The following CEP126 variants were observed in gnomAD, a reference collection of about 807,000 sequenced individuals.
CEP126 encodes centrosomal protein 126.
Under a neutral mutation model 107.8 loss-of-function variants are expected in CEP126, and 74 were observed. The ratio of observed to expected loss-of-function variants is 0.69; its 90% CI spans 0.57 to 0.83. CEP126 has a LOEUF of 0.83. CEP126 is among the 40% of genes least tolerant of loss of function. CEP126 has a pLI of 0.00. For missense variants in CEP126, 1,237 were observed against 1,281.9 expected, an observed-to-expected ratio of 0.96 and a Z score of 0.53; for synonymous variants, 449 against 446.0, an observed-to-expected ratio of 1.01 and a Z score of -0.08.
At chr11:101,928,163 C>G (rs1466725653) in intron 2 of CEP126, among the ~76,000 whole-genome samples, 1 of 152,104 alleles carries the variant, frequency 6.6e-6, no homozygotes, top group East Asian at 1.9e-4. Context: ...CATCTGTTCT[C>G]TTTTAGTGAA....
In CEP126 at chr11:101,961,842, T is replaced by A. The variant is rs779492169; in HGVS notation, c.807T>A (p.Asn269Lys). ...ATGAAGAAATATATTTAACACTTAA[T>A]AAGGAGCATTCCACATCCATCCAGC... ...TEHEEIYLTLNKEHSTSIQRN... is the reference protein window; with the variant it reads ...TEHEEIYLTLKKEHSTSIQRN... Residue 269 changes from asparagine to lysine, a missense_variant, in exon 6 of 11, where the codon AAT becomes AAA. By Grantham distance (94) the Asn-to-Lys change is moderately conservative. This residue lies in a region of CEP126 where 1,134 missense variants were observed against 1,150.5 expected (regional missense o/e 0.99). Coordinates refer to ENST00000263468, the MANE Select transcript of CEP126 (RefSeq NM_020802.4). 1.2e-6 allele frequency: 2 copies of A among 1,610,860 alleles called. No homozygotes were observed. Among genetic ancestry groups the A allele is most frequent in the Admixed American group, 3.3e-5 (2 of 59,896 alleles).
At chr11:101,996,505 G>A (rs1229056011) in intron 10 of CEP126, among the ~76,000 whole-genome samples, 1 of 152,100 alleles carries the variant, frequency 6.6e-6, no homozygotes, top group Admixed American at 6.6e-5. Flanking sequence ...CCTGTGATAA[G>A]TACCTTAGTC....
At chr11:101,956,417 CA>C (rs1412801607) in intron 4 of CEP126, 3 of 456,328 alleles carry the variant, frequency 6.6e-6, no homozygotes, top group East Asian at 1.4e-4. Flanking sequence ...TCAGTCAGTC[CA>C]GCAATCTGTT....
At chr11:101,950,518 T>C (rs1940797145) in intron 4 of CEP126, among the ~76,000 whole-genome samples, 2 of 152,232 alleles carry the variant, frequency 1.3e-5, no homozygotes. Flanking sequence ...AATTACATTA[T>C]AATACTGTTT....
rs150442217 is a variant in CEP126 at position 101,949,059 on chromosome 11, G to A, written c.506+917G>A. 3.8e-3 allele frequency among the ~76,000 whole-genome samples: 586 copies of A among 152,258 alleles called. 5 individuals carry two copies. Among genetic ancestry groups the A allele is most frequent in the African/African-American group, 0.014 (563 of 41,554 alleles). On this transcript the variant is annotated intron_variant, in intron 4 of 10. Transcript: ENST00000263468. ...ACAGAGAATTCTTCAGCAAAGCTTT[G>A]AAGAAAATAGTAGTTATTTGGAACA... is the stretch of plus-strand genomic sequence containing the variant.
chr11:101,992,332 T>G (rs1029356801), intron 9 of CEP126, among the ~76,000 whole-genome samples: 5 of 152,082 alleles, frequency 3.3e-5, no homozygotes, highest in Admixed American at 1.3e-4. Context: ...TGAATTATTT[T>G]TCTTTTGCTC....
At chr11:101,952,502 C>A (rs1367276692) in intron 4 of CEP126, among the ~76,000 whole-genome samples, 1 of 152,044 alleles carries the variant, frequency 6.6e-6, no homozygotes, top group Non-Finnish European at 1.5e-5. Context: ...CTGTTTAAGA[C>A]CTGGAGTGAT....
chr11:101,962,994 A>G lies in CEP126; in HGVS notation c.1959A>G (p.Thr653=), dbSNP rs745394638. The stretch of plus-strand genomic sequence containing the variant: ...ACAGTCATTCACTGAAGAATAAAAC[A>G]GGAACAACTCAACAGCATTCTCAAC... ...AENSHSLKNK[T]GTTQQHSQQF... is the part of the protein sequence containing the mutation. The change falls in exon 6 of 11, where the codon ACA becomes ACG. Residue 653 remains threonine (T), a synonymous_variant. Transcript: ENST00000263468. 5 of 1,613,534 alleles carry G rather than the reference A, an allele frequency of 3.1e-6. No homozygotes were observed. The highest frequency in any genetic ancestry group is 2.2e-5 in the East Asian group (1 of 44,868).
intron 1 of CEP126, among the ~76,000 whole-genome samples, 166 bp from the exon 2 acceptor site, chr11:101,922,475 A>C (rs944233820): frequency 6.6e-6 from 1 of 152,070 alleles, no homozygotes; most frequent in African/African-American, 2.4e-5. Flanking sequence ...AATTTTTTTT[A>C]CATAAAATGT....
intron 2 of CEP126, among the ~76,000 whole-genome samples, chr11:101,924,500 C>G (rs564923898): frequency 6.6e-6 from 1 of 152,054 alleles, no homozygotes; most frequent in Non-Finnish European, 1.5e-5. Context: ...GAGTCTCACT[C>G]TGTCACTCAG....
chr11:101,982,984 C>T (rs1027956083), intron 8 of CEP126, among the ~76,000 whole-genome samples: 1 of 152,132 alleles, frequency 6.6e-6, no homozygotes. Flanking sequence ...TTCCCATGCA[C>T]ACCCAGATTC....
Position 101,915,142 on chromosome 11 carries a change from C to A in CEP126, c.-143C>A. On this transcript the variant is annotated 5_prime_UTR_variant, in exon 1 of 11. It adds an upstream start codon to the 5' untranslated region. Coordinates refer to ENST00000263468, the MANE Select transcript of CEP126 (RefSeq NM_020802.4). The stretch of plus-strand genomic sequence containing the variant: ...CAGTGCCGCTGCGCGGGAGCTAGGG[C>A]TGTCGAGGCCAACCCTTCCGCGCCC... The A allele has an allele frequency of 2.4e-6, 3 of 1,257,482 alleles. No individual in the cohort carries two copies. Among genetic ancestry groups the A allele is most frequent in the Non-Finnish European group, 3.3e-6 (3 of 913,094 alleles). The allele number at this position is 1,257,482 out of a possible 1,614,324, so 77.9% of individuals were successfully genotyped here.
rs973668062 is a variant in CEP126 at position 101,999,445 on chromosome 11, A to C, written c.*1802A>C. On this transcript the variant is annotated 3_prime_UTR_variant, in exon 11 of 11. Coordinates refer to ENST00000263468, the MANE Select transcript of CEP126 (RefSeq NM_020802.4). ...GAACCAAAGAATGCCTCTACAAGCA[A>C]AAAGATAGTTGAAAATAGTTAAGAT... 6.6e-6 allele frequency: 1 copy of C among 151,694 alleles called. No individual in the cohort carries two copies. The highest frequency in any genetic ancestry group is 6.6e-5 in the Admixed American group (1 of 15,198). The allele number at this position is 151,694 out of a possible 1,614,324, so 9.4% of individuals were successfully genotyped here.
At chr11:101,978,856 C>T (rs1941223097) in intron 7 of CEP126, among the ~76,000 whole-genome samples, 2 of 152,106 alleles carry the variant, frequency 1.3e-5, no homozygotes, top group African/African-American at 4.8e-5. Flanking sequence ...AGGCCAGGCG[C>T]GGTGGCTCAC....
chr11:101,926,339 A>T (rs1011889985), intron 2 of CEP126, among the ~76,000 whole-genome samples: 32 of 152,220 alleles, frequency 2.1e-4, no homozygotes, highest in African/African-American at 7.2e-4. Flanking sequence ...TATGTGAAAA[A>T]GCCTAATGTT....
chr11:101,930,582 C>T (rs1275356707), intron 2 of CEP126, among the ~76,000 whole-genome samples: 2 of 152,182 alleles, frequency 1.3e-5, no homozygotes, highest in African/African-American at 2.4e-5. Context: ...AGGACCCCAA[C>T]GGGTTGCCCC....
chr11:101,923,198 T>C (rs1940358846), intron 2 of CEP126, among the ~76,000 whole-genome samples: 1 of 152,058 alleles, frequency 6.6e-6, no homozygotes, highest in South Asian at 2.1e-4. Flanking sequence ...TCTGAAAAAT[T>C]GGAAAAAATA....
intron 2 of CEP126, among the ~76,000 whole-genome samples, chr11:101,923,914 G>C (rs1940369724): frequency 6.6e-6 from 1 of 152,060 alleles, no homozygotes; most frequent in Non-Finnish European, 1.5e-5. Context: ...AGAAAGGGTA[G>C]AAATAAAGTG....
At chr11:101,927,058 T>C (rs1247697321) in intron 2 of CEP126, among the ~76,000 whole-genome samples, 1 of 152,230 alleles carries the variant, frequency 6.6e-6, no homozygotes, top group Non-Finnish European at 1.5e-5. Flanking sequence ...TCCCAGCACT[T>C]TGGGAGGCCA....
Sources: allele counts gnomAD v4.1 joint callset (sites outside exome capture counted in the v4.1 genomes callset), GRCh38; gene constraint gnomAD v4.1.1; regional missense constraint gnomAD v4.1.1; transcripts MANE v1.5; gene names NCBI Gene and HGNC (gene_info 2026-07-23, HGNC 2026-07-21).